Variants in SUMF1 observed in about 807,000 individuals in gnomAD.
The protein encoded by SUMF1 is formylglycine-generating enzyme.
Under a neutral mutation model 47.6 loss-of-function variants are expected in SUMF1, and 48 were observed. That is an observed-to-expected ratio of 1.01 (90% CI 0.80 to 1.28). The LOEUF (loss-of-function observed/expected upper bound fraction) is 1.28. Ranked by LOEUF, SUMF1 falls within the 50% of genes most tolerant of loss-of-function variation. SUMF1 has a pLI of 0.00. For synonymous variants in SUMF1, 230 were observed against 192.1 expected, an observed-to-expected ratio of 1.20 and a Z score of -1.63; for missense variants, 571 against 485.4, an observed-to-expected ratio of 1.18 and a Z score of -1.66.
intron 3 of SUMF1, among the ~76,000 whole-genome samples, chr3:4,431,438 T>C (rs1041539118): frequency 6.6e-5 from 10 of 152,172 alleles, no homozygotes; most frequent in African/African-American, 2.4e-4. Flanking sequence ...TCTGAGCCCA[T>C]AAAAGCCCTG....
At chr3:4,241,893 C>G (rs1308617932) in intron 8 of SUMF1, among the ~76,000 whole-genome samples, 1 of 152,142 alleles carries the variant, frequency 6.6e-6, no homozygotes, top group African/African-American at 2.4e-5. Flanking sequence ...TTGGTTGGAC[C>G]AGTTGTGACA....
intron 8 of SUMF1, among the ~76,000 whole-genome samples, chr3:4,097,799 C>G (rs1405818399): frequency 6.6e-6 from 1 of 151,996 alleles, no homozygotes; most frequent in Non-Finnish European, 1.5e-5. Flanking sequence ...TCAAGAGTAC[C>G]ACCCTTTCTT....
In SUMF1 at chr3:4,426,811, C is replaced by A. The variant is rs143130507; in HGVS notation, c.520-6665G>T. ...ACTGAGACAATTTCCAGAGTTACAGCACTCCCTTATATCCAGAGGAAAAAG... is the reference window on the plus strand; with the variant it reads ...ACTGAGACAATTTCCAGAGTTACAGAACTCCCTTATATCCAGAGGAAAAAG... On this transcript the variant is annotated intron_variant, in intron 3 of 8. Transcript: ENST00000272902. Among the ~76,000 whole-genome samples the A allele has an allele frequency of 5.3e-5, 8 of 152,322 alleles. No homozygotes were observed. The East Asian group carries it at 1.4e-3, about 26-fold the overall frequency.
At chr3:4,294,284 G>A (rs889770134) in intron 8 of SUMF1, among the ~76,000 whole-genome samples, 2 of 152,108 alleles carry the variant, frequency 1.3e-5, no homozygotes, top group African/African-American at 4.8e-5. Context: ...CTATTCAGTA[G>A]TTACACGTGG....
intron 8 of SUMF1, among the ~76,000 whole-genome samples, chr3:4,372,474 G>C (rs1700199369): frequency 6.6e-6 from 1 of 151,892 alleles, no homozygotes; most frequent in Non-Finnish European, 1.5e-5. Flanking sequence ...GCTTTTGCCT[G>C]TCTAGTTGGG....
At chr3:4,390,225 T>C (rs1024417378) in intron 7 of SUMF1, among the ~76,000 whole-genome samples, 1 of 152,162 alleles carries the variant, frequency 6.6e-6, no homozygotes, top group African/African-American at 2.4e-5. Flanking sequence ...CCCTCATTAC[T>C]ACTAGATGTG....
At chr3:4,057,413 G>T (rs546369471) in intron 9 of SUMF1, among the ~76,000 whole-genome samples, 4 of 152,160 alleles carry the variant, frequency 2.6e-5, no homozygotes, top group Non-Finnish European at 2.9e-5. Flanking sequence ...AACCGCAAAA[G>T]GAATCTAAGA....
chr3:4,451,946 G>A (rs1222844297), intron 2 of SUMF1, among the ~76,000 whole-genome samples: 1 of 152,080 alleles, frequency 6.6e-6, no homozygotes, highest in Admixed American at 6.6e-5. Context: ...GCCTCCCAAC[G>A]TGCTGAGATT....
intron 8 of SUMF1, among the ~76,000 whole-genome samples, chr3:4,347,099 G>C (rs1699390013): frequency 6.6e-6 from 1 of 152,158 alleles, no homozygotes; most frequent in Admixed American, 6.5e-5. Context: ...GATTTTACCA[G>C]AAATACAAAG....
At chr3:4,417,951 G>A in intron 5 of SUMF1, 59 bp downstream of exon 5, 2 of 1,611,692 alleles carry the variant, frequency 1.2e-6, no homozygotes, top group Non-Finnish European at 1.7e-6. Context: ...GTTTTTTGTT[G>A]TTGTTTGTTT....
chr3:4,258,589 C>A (rs1697012187), intron 8 of SUMF1, among the ~76,000 whole-genome samples: 1 of 152,082 alleles, frequency 6.6e-6, no homozygotes, highest in African/African-American at 2.4e-5. Flanking sequence ...GTTAGAATGG[C>A]AATCACTAAA....
intron 8 of SUMF1, among the ~76,000 whole-genome samples, chr3:4,349,338 AG>A (rs1342264015): frequency 3.3e-5 from 5 of 152,194 alleles, no homozygotes; most frequent in African/African-American, 1.2e-4. Context: ...GAAACAATAG[AG>A]GCTAGTGAGG....
chr3:4,265,791 T>C (rs1697180705), intron 8 of SUMF1, among the ~76,000 whole-genome samples: 1 of 152,232 alleles, frequency 6.6e-6, no homozygotes, highest in Non-Finnish European at 1.5e-5. Flanking sequence ...GTTTTAGACA[T>C]GAAGTCCTTG....
At chr3:4,156,849 C>G (rs534178688) in intron 8 of SUMF1, among the ~76,000 whole-genome samples, 5 of 151,712 alleles carry the variant, frequency 3.3e-5, no homozygotes, top group Admixed American at 3.3e-4. Context: ...TAAATTAATA[C>G]TTTTTTTCTA....
intron 8 of SUMF1, among the ~76,000 whole-genome samples, chr3:4,151,528 T>C (rs1236130378): frequency 7.4e-6 from 1 of 134,284 alleles, no homozygotes; most frequent in African/African-American, 2.8e-5. Context: ...TATATATGTA[T>C]ATATGTGTAT....
chr3:4,272,946 G>A (rs987191541), intron 8 of SUMF1, among the ~76,000 whole-genome samples: 19 of 152,046 alleles, frequency 1.2e-4, no homozygotes, highest in Non-Finnish European at 2.2e-4. Context: ...ATCGTGTTAC[G>A]CACCTGTAGT....
At chr3:4,068,104 G>C (rs1476757465) in intron 9 of SUMF1, among the ~76,000 whole-genome samples, 1 of 152,162 alleles carries the variant, frequency 6.6e-6, no homozygotes, top group Non-Finnish European at 1.5e-5. Flanking sequence ...CTGCCAGGCA[G>C]AATTAGGTTC....
intron 9 of SUMF1, among the ~76,000 whole-genome samples, chr3:4,048,368 C>T (rs544391660): frequency 1.3e-5 from 2 of 152,120 alleles, no homozygotes; most frequent in Admixed American, 6.6e-5. Flanking sequence ...TACAACTACC[C>T]TGAGAAAAAT....
At chr3:4,388,391 T>C (rs1575163292) in intron 7 of SUMF1, among the ~76,000 whole-genome samples, 1 of 152,226 alleles carries the variant, frequency 6.6e-6, no homozygotes, top group East Asian at 1.9e-4. Flanking sequence ...CTGACTTTCC[T>C]TTGATTAATG....
Sources: allele counts gnomAD v4.1 joint callset (sites outside exome capture counted in the v4.1 genomes callset), GRCh38; gene constraint gnomAD v4.1.1; transcripts MANE v1.5; gene names NCBI Gene and HGNC (gene_info 2026-07-23, HGNC 2026-07-21).